Variants in RBM11 observed in about 807,000 individuals in gnomAD.
RBM11 encodes RNA binding motif protein 11.
Under a neutral mutation model 21.4 loss-of-function variants are expected in RBM11, and 18 were observed. The ratio of observed to expected loss-of-function variants is 0.84; its 90% confidence interval spans 0.58 to 1.25. The LOEUF is 1.25. RBM11 is among the 50% of genes most tolerant of loss of function. The pLI is 0.00. For missense variants in RBM11, 294 were observed against 331.9 expected, an observed-to-expected ratio of 0.89 and a Z score of 0.89; for synonymous variants, 120 against 116.3, an observed-to-expected ratio of 1.03 and a Z score of -0.20.
intron 3 of RBM11, among the ~76,000 whole-genome samples, chr21:14,223,025 A>T (rs1273197727): frequency 6.6e-6 from 1 of 152,182 alleles, no homozygotes; most frequent in Non-Finnish European, 1.5e-5. Flanking sequence ...GGAAGGAACA[A>T]GCTATTGGTA....
At chr21:14,225,694 CATT>C (rs1979030253) in intron 4 of RBM11, among the ~76,000 whole-genome samples, 10 of 151,790 alleles carry the variant, frequency 6.6e-5, no homozygotes, top group African/African-American at 2.4e-4. Context: ...TATGGTAAAA[CATT>C]AGTAAACAAT....
At chr21:14,221,350 T>C (rs906507318) in intron 3 of RBM11, 181 bp downstream of exon 3, 2 of 783,024 alleles carry the variant, frequency 2.6e-6, no homozygotes. Context: ...TAAAATTCAG[T>C]CTTAATATTT....
Position 14,227,360 on chromosome 21 carries a change from C to T in RBM11, c.*67C>T, listed in dbSNP as rs993024764. The T allele has an allele frequency of 3.5e-6, 5 of 1,428,320 alleles. No individual in the cohort carries two copies. Among genetic ancestry groups the T allele is most frequent in the Admixed American group, 2.3e-5 (1 of 42,990 alleles). 88.5% of individuals were successfully genotyped at this position (1,428,320 alleles called of 1,614,324 possible). A position where few individuals can be genotyped will look rare whatever the true frequency, so the allele number is the denominator to read the frequency against. On this transcript the variant is annotated 3_prime_UTR_variant, in exon 5 of 5. Coordinates refer to ENST00000400577, the MANE Select transcript of RBM11 (RefSeq NM_144770.5). Reference sequence around the variant, plus strand: ...TCTTATGAAAAAAATAAGATGTTATCCCATCAAATAAACAATGTCATGGCT... The same window carrying T: ...TCTTATGAAAAAAATAAGATGTTATTCCATCAAATAAACAATGTCATGGCT...
At chr21:14,218,325 C>A (rs1456290825) in intron 1 of RBM11, among the ~76,000 whole-genome samples, 2 of 151,888 alleles carry the variant, frequency 1.3e-5, no homozygotes, top group Admixed American at 6.6e-5. Context: ...TATATTTATC[C>A]TTTTACTATT....
At chr21:14,220,974 C>T (rs927728612) in intron 2 of RBM11, 123 bp from the exon 3 acceptor site, 1 of 926,450 alleles carries the variant, frequency 1.1e-6, no homozygotes, top group Non-Finnish European at 1.6e-6. Flanking sequence ...TATATCTTCT[C>T]TGAGTACAGA....
intron 3 of RBM11, among the ~76,000 whole-genome samples, chr21:14,223,275 A>G (rs945723170): frequency 6.6e-6 from 1 of 152,250 alleles, no homozygotes; most frequent in Non-Finnish European, 1.5e-5. Flanking sequence ...AGTGATTTGC[A>G]GAGAAAAATG....
In RBM11 at chr21:14,219,704, A is replaced by G. The variant is rs372233105; in HGVS notation, c.238A>G (p.Ile80Val). The G allele has an allele frequency of 4.4e-6, 7 of 1,601,862 alleles. No homozygotes were observed. The highest frequency in any genetic ancestry group is 1.7e-4 in the Middle Eastern group (1 of 6,044). ...TGGAATTCGTTTATATGGAAGACCA[A>G]TTAACGTGCAGTATCGATTTGGTAG... ...LNGIRLYGRP[I>V]NVQYRFGSSR... Residue 80 changes from isoleucine (I) to valine (V), a missense_variant, in exon 2 of 5, where the codon ATT becomes GTT. Transcript: ENST00000400577.
At chr21:14,224,654 C>T in intron 4 of RBM11, 117 bp downstream of exon 4, 2 of 1,362,900 alleles carry the variant, frequency 1.5e-6, no homozygotes, top group African/African-American at 1.5e-5. Flanking sequence ...ACAAGATGTC[C>T]CAGCACTGTC....
In RBM11 at chr21:14,228,198, CTA is replaced by C. The variant is rs1979270395; in HGVS notation, c.*906_*907del. The C allele has an allele frequency of 6.6e-6, 1 of 151,862 alleles. No homozygotes were observed. The highest frequency in any genetic ancestry group is 1.5e-5 in the Non-Finnish European group (1 of 67,968). The allele number at this position is 151,862 out of a possible 1,614,324, so 9.4% of individuals were successfully genotyped here. On this transcript the variant is annotated 3_prime_UTR_variant, in exon 5 of 5. Coordinates refer to ENST00000400577, the MANE Select transcript of RBM11 (RefSeq NM_144770.5). Reference sequence around the variant, plus strand: ...ATTTTTGTTTATAGCTCATTACAAACTAGAGTGATGAATATATATATTTACTA... The same window carrying C: ...ATTTTTGTTTATAGCTCATTACAAACGAGTGATGAATATATATATTTACTA...
At chr21:14,224,092 A>G (rs1978891823) in intron 3 of RBM11, among the ~76,000 whole-genome samples, 1 of 152,160 alleles carries the variant, frequency 6.6e-6, no homozygotes, top group Admixed American at 6.5e-5. Flanking sequence ...AACAACAGAA[A>G]ATGGACTAAA....
At chr21:14,224,607 T>C in intron 4 of RBM11, 70 bp downstream of exon 4, 1 of 1,478,896 alleles carries the variant, frequency 6.8e-7, no homozygotes, top group East Asian at 2.5e-5. Flanking sequence ...AGGCTATTTG[T>C]AACATATGGT....
chr21:14,217,402 G>T (rs1287264814), intron 1 of RBM11, among the ~76,000 whole-genome samples: 1 of 152,096 alleles, frequency 6.6e-6, no homozygotes, highest in Non-Finnish European at 1.5e-5. Flanking sequence ...TTCCGAGGGA[G>T]GCAATTACAG....
intron 1 of RBM11, among the ~76,000 whole-genome samples, chr21:14,217,931 C>G (rs937617495): frequency 6.6e-6 from 1 of 151,902 alleles, no homozygotes; most frequent in Admixed American, 6.5e-5. Context: ...ATATTATCTT[C>G]TCATTCTTTA....
chr21:14,221,019 G>T (rs1186476188), intron 2 of RBM11, 78 bp from the exon 3 acceptor site: 1 of 1,388,666 alleles, frequency 7.2e-7, no homozygotes, highest in Non-Finnish European at 9.7e-7. Flanking sequence ...AAAATATTTT[G>T]AGTCATTTTA....
chr21:14,216,262 C>T lies in RBM11; in HGVS notation c.76C>T (p.Leu26=), dbSNP rs2020439774. 1.9e-6 allele frequency: 3 copies of T among 1,613,482 alleles called. No homozygotes were observed. The highest frequency in any genetic ancestry group is 2.2e-5 in the South Asian group (2 of 90,964). ...NLEARVREEI[L]YELFLQAGPL... ...AGAGGCCCGAGTTCGGGAAGAGATT[C>T]TGTACGAGCTGTTCCTTCAGGTACC... The change falls in exon 1 of 5, where the codon CTG becomes TTG. Residue 26 remains leucine (L), a synonymous_variant. Coordinates refer to ENST00000400577, the MANE Select transcript of RBM11 (RefSeq NM_144770.5).
At chr21:14,224,336 C>T (rs1273576348) in intron 3 of RBM11, 102 bp from the exon 4 acceptor site, 1 of 1,451,964 alleles carries the variant, frequency 6.9e-7, no homozygotes, top group African/African-American at 1.4e-5. Flanking sequence ...ATGCAGACAA[C>T]TTTGCATCCC....
intron 1 of RBM11, among the ~76,000 whole-genome samples, chr21:14,217,949 C>T (rs1978351799): frequency 6.6e-6 from 1 of 152,116 alleles, no homozygotes; most frequent in South Asian, 2.1e-4. Context: ...TTATCAGTTC[C>T]TTCTTCCACC....
chr21:14,224,331 G>T, intron 3 of RBM11, 107 bp from the exon 4 acceptor site: 1 of 1,442,370 alleles, frequency 6.9e-7, no homozygotes, highest in South Asian at 1.5e-5. Context: ...CCTCTATGCA[G>T]ACAACTTTGC....
intron 2 of RBM11, among the ~76,000 whole-genome samples, 186 bp from the exon 3 acceptor site, chr21:14,220,911 A>G (rs546824868): frequency 1.3e-5 from 2 of 152,310 alleles, no homozygotes; most frequent in South Asian, 2.1e-4. Flanking sequence ...TCATTGATAT[A>G]TATATAGTAC....
Sources: gnomAD v4.1 joint callset for allele counts (sites outside exome capture counted in the v4.1 genomes callset) on GRCh38, gnomAD v4.1.1 for gene constraint, MANE v1.5 for transcripts, NCBI Gene and HGNC (gene_info 2026-07-23, HGNC 2026-07-21) for gene names.